Variants in CPQ observed in about 807,000 individuals in gnomAD.
CPQ encodes Ser-Met dipeptidase.
CPQ carries 37 observed loss-of-function variants against 45.7 expected under a neutral mutation model. The ratio of observed to expected loss-of-function variants is 0.81; its 90% CI spans 0.62 to 1.07. The LOEUF is 1.07. Ranked by LOEUF, CPQ falls within the 50% of genes least tolerant of loss-of-function variation. The pLI is 0.00. For missense variants in CPQ, 537 were observed against 572.9 expected (o/e 0.94, Z 0.64); for synonymous variants, 186 against 205.8 (o/e 0.90, Z 0.82).
intron 1 of CPQ, among the ~76,000 whole-genome samples, chr8:96,772,721 A>G (rs2130799392): frequency 6.6e-6 from 1 of 152,336 alleles, no homozygotes; most frequent in East Asian, 1.9e-4. Flanking sequence ...CAGATATGAT[A>G]GAAATTGAAA....
intron 4 of CPQ, among the ~76,000 whole-genome samples, chr8:96,899,619 A>C (rs1343953381): frequency 6.6e-6 from 1 of 151,990 alleles, no homozygotes; most frequent in Non-Finnish European, 1.5e-5. Flanking sequence ...GTGGGAGGAG[A>C]GGTGCCACAC....
At chr8:97,061,427 C>T (rs1158524671) in intron 6 of CPQ, among the ~76,000 whole-genome samples, 1 of 152,016 alleles carries the variant, frequency 6.6e-6, no homozygotes, top group Non-Finnish European at 1.5e-5. Context: ...GACTTGTGGC[C>T]TGACAGAAGT....
chr8:96,800,459 C>G (rs1346033885), intron 2 of CPQ, among the ~76,000 whole-genome samples: 11 of 152,080 alleles, frequency 7.2e-5, no homozygotes, highest in African/African-American at 2.7e-4. Context: ...ATTCTATGAC[C>G]CAGTAATTCA....
At chr8:96,744,348 G>A (rs543326219) in intron 1 of CPQ, among the ~76,000 whole-genome samples, 13 of 152,308 alleles carry the variant, frequency 8.5e-5, no homozygotes, top group East Asian at 5.8e-4. Flanking sequence ...CGCACAGTGC[G>A]CGCACCCACT....
At chr8:96,736,476 CA>C (rs1426671476) in intron 1 of CPQ, among the ~76,000 whole-genome samples, 5 of 152,192 alleles carry the variant, frequency 3.3e-5, no homozygotes, top group African/African-American at 1.2e-4. Flanking sequence ...TTTGCCGTAT[CA>C]TATTGCATAA....
chr8:96,876,551 A>T (rs1460873482), intron 3 of CPQ, among the ~76,000 whole-genome samples: 2 of 152,052 alleles, frequency 1.3e-5, no homozygotes, highest in African/African-American at 2.4e-5. Context: ...ATTACATATG[A>T]TGTTAGCTGT....
In CPQ at chr8:96,668,564, A is replaced by G. The variant is rs1025720890; in HGVS notation, c.-35+23162A>G. On this transcript the variant is annotated intron_variant, in intron 1 of 7. Coordinates refer to ENST00000220763, the MANE Select transcript of CPQ (RefSeq NM_016134.4). ...ATTAACACTCATGTTTGCTTTGTGA[A>G]AATTTTGCATTTTACACAGTGTGTT... 1.2e-4 allele frequency among the ~76,000 whole-genome samples: 19 copies of G among 152,218 alleles called. 1 individual carries two copies. Among genetic ancestry groups the G allele is most frequent in the African/African-American group, 4.6e-4 (19 of 41,452 alleles).
At chr8:96,682,861 C>G (rs756758376) in intron 1 of CPQ, among the ~76,000 whole-genome samples, 151 of 152,244 alleles carry the variant, frequency 9.9e-4, no homozygotes, top group Non-Finnish European at 1.9e-3. Flanking sequence ...TTCTTGGAGA[C>G]AGCATAAAAT....
At chr8:96,902,555 G>T (rs947581811) in intron 4 of CPQ, among the ~76,000 whole-genome samples, 9 of 152,314 alleles carry the variant, frequency 5.9e-5, no homozygotes, top group Non-Finnish European at 8.8e-5. Flanking sequence ...GGGTGTAACA[G>T]ATACACATTT....
chr8:96,702,177 CCAGTTGGAGTA>C (rs1455486561), intron 1 of CPQ, among the ~76,000 whole-genome samples: 2 of 152,122 alleles, frequency 1.3e-5, no homozygotes, highest in Non-Finnish European at 2.9e-5. Flanking sequence ...TTGGCAGTAG[CCAGTTGGAGTA>C]CAGCAGGGAG....
At chr8:96,766,083 T>A (rs1413425849) in intron 1 of CPQ, among the ~76,000 whole-genome samples, 5 of 152,216 alleles carry the variant, frequency 3.3e-5, no homozygotes, top group Admixed American at 2.6e-4. Context: ...TACTACTCTA[T>A]GACAATGAGC....
At chr8:96,844,725 G>A (rs899333908) in intron 3 of CPQ, among the ~76,000 whole-genome samples, 4 of 152,190 alleles carry the variant, frequency 2.6e-5, no homozygotes, top group East Asian at 1.9e-4. Flanking sequence ...AGGTTGACAT[G>A]AGCTGACTTA....
intron 6 of CPQ, chr8:97,056,659 T>C (rs1810459935): frequency 6.6e-6 from 1 of 152,216 alleles, no homozygotes; most frequent in African/African-American, 2.4e-5. Flanking sequence ...CAGAACATGC[T>C]TATATTTATC....
chr8:96,802,802 G>A (rs919842677), intron 2 of CPQ, among the ~76,000 whole-genome samples: 4 of 152,124 alleles, frequency 2.6e-5, no homozygotes, highest in African/African-American at 9.7e-5. Context: ...AGGTAATATT[G>A]TCAAAACTTG....
chr8:96,935,295 CAT>C (rs1188534418), intron 4 of CPQ, among the ~76,000 whole-genome samples: 2 of 152,168 alleles, frequency 1.3e-5, no homozygotes, highest in Non-Finnish European at 2.9e-5. Flanking sequence ...TCCCAAGAAA[CAT>C]AGAGAAATGT....
intron 1 of CPQ, among the ~76,000 whole-genome samples, chr8:96,724,327 G>T (rs942403441): frequency 2.0e-5 from 3 of 152,022 alleles, no homozygotes; most frequent in Non-Finnish European, 2.9e-5. Context: ...ATAACAGCTT[G>T]CTATGGCTTG....
At chr8:96,888,778 T>C (rs1053471029) in intron 4 of CPQ, among the ~76,000 whole-genome samples, 3 of 152,206 alleles carry the variant, frequency 2.0e-5, no homozygotes, top group African/African-American at 7.2e-5. Context: ...ATAAAACATT[T>C]TGTGAAACAG....
At chr8:97,079,054 T>C (rs1236223220) in intron 7 of CPQ, among the ~76,000 whole-genome samples, 1 of 152,148 alleles carries the variant, frequency 6.6e-6, no homozygotes, top group Non-Finnish European at 1.5e-5. Context: ...TCCTCCCACC[T>C]CGGCTGCCCA....
intron 6 of CPQ, among the ~76,000 whole-genome samples, chr8:97,060,588 A>G (rs1195597384): frequency 6.6e-6 from 1 of 152,166 alleles, no homozygotes; most frequent in Non-Finnish European, 1.5e-5. Context: ...TTTATCATTG[A>G]GCTGCTCAGC....
Sources: gnomAD v4.1 joint callset for allele counts (sites outside exome capture counted in the v4.1 genomes callset) on GRCh38, gnomAD v4.1.1 for gene constraint, MANE v1.5 for transcripts, NCBI Gene and HGNC (gene_info 2026-07-23, HGNC 2026-07-21) for gene names.